Variants in BTNL8 observed in about 807,000 individuals in gnomAD.
BTNL8 encodes the protein butyrophilin-like protein 8.
Under a neutral mutation model 36.1 loss-of-function variants are expected in BTNL8, and 22 were observed. The observed-to-expected ratio is 0.61, with a 90% CI of 0.44 to 0.87. The LOEUF (loss-of-function observed/expected upper bound fraction) is 0.87. Ranked by LOEUF, BTNL8 falls within the 40% of genes least tolerant of loss-of-function variation. The probability of loss-of-function intolerance (pLI) is 0.00; values close to 1 mark genes in which losing one functional copy is unlikely to be tolerated. For synonymous variants in BTNL8, 203 were observed against 235.6 expected, an observed-to-expected ratio of 0.86 and a Z score of 1.27; for missense variants, 526 against 616.9, an observed-to-expected ratio of 0.85 and a Z score of 1.56.
intron 3 of BTNL8, among the ~76,000 whole-genome samples, chr5:180,916,684 C>T (rs927572472): frequency 5.3e-5 from 8 of 152,122 alleles, no homozygotes; most frequent in South Asian, 2.1e-4. Flanking sequence ...ATGAGACTAT[C>T]GTAGTTCTCC....
chr5:180,904,792 T>C (rs1402953040), intron 1 of BTNL8, among the ~76,000 whole-genome samples: 1 of 151,558 alleles, frequency 6.6e-6, no homozygotes, highest in Non-Finnish European at 1.5e-5. Flanking sequence ...ATCATGTGGT[T>C]TTTGTCTTTG....
At chr5:180,945,128 A>G (rs1759173976) in intron 3 of BTNL8, among the ~76,000 whole-genome samples, 3 of 152,234 alleles carry the variant, frequency 2.0e-5, no homozygotes, top group South Asian at 4.1e-4. Flanking sequence ...ACATCACTCA[A>G]TGGAACAGGA....
intron 3 of BTNL8, among the ~76,000 whole-genome samples, chr5:180,943,745 C>T (rs1759098781): frequency 6.6e-6 from 1 of 152,050 alleles, no homozygotes; most frequent in Admixed American, 6.6e-5. Flanking sequence ...ACTGAGTATA[C>T]CCAAAAGAAA....
intron 3 of BTNL8, among the ~76,000 whole-genome samples, chr5:180,917,608 T>TAA (rs142081557): frequency 1.1e-4 from 16 of 148,010 alleles, no homozygotes; most frequent in Admixed American, 5.3e-4. Context: ...TCAGAATAAT[T>TAA]TAAAAAAAAT....
At chr5:180,901,989 AAAT>A (rs1172862323) in intron 1 of BTNL8, among the ~76,000 whole-genome samples, 2 of 152,232 alleles carry the variant, frequency 1.3e-5, no homozygotes, top group Non-Finnish European at 2.9e-5. Context: ...AAGGAAGTAC[AAAT>A]AATTGTGTGC....
Position 180,950,435 on chromosome 5 carries a change from A to G in BTNL8, c.1394A>G (p.Glu465Gly). 1 of 1,463,950 alleles carries G rather than the reference A, an allele frequency of 6.8e-7. No individual in the cohort carries two copies. The highest frequency in any genetic ancestry group is 9.4e-7 in the Non-Finnish European group (1 of 1,059,180). The allele number at this position is 1,463,950 out of a possible 1,614,324, so 90.7% of individuals were successfully genotyped here. The change falls in exon 8 of 8, where the codon GAA becomes GGA. Residue 465 changes from glutamate (E) to glycine (G), a missense_variant. Physicochemically the swap from Glu to Gly is moderately conservative, Grantham distance 98. Transcript: ENST00000340184. ...TPIVICPVTQESEKEASWQRA... is the reference protein window; with the variant it reads ...TPIVICPVTQGSEKEASWQRA... ...ATAGTCATCTGCCCAGTCACCCAGG[A>G]ATCAGAGAAAGAGGCCTCTTGGCAA...
At chr5:180,924,497 C>A (rs989553502) in intron 3 of BTNL8, among the ~76,000 whole-genome samples, 6 of 152,188 alleles carry the variant, frequency 3.9e-5, no homozygotes, top group Non-Finnish European at 7.3e-5. Flanking sequence ...ACTGCAGAGC[C>A]CAATCAGCAG....
At chr5:180,917,204 T>C (rs1319495642) in intron 3 of BTNL8, among the ~76,000 whole-genome samples, 1 of 72,318 alleles carries the variant, frequency 1.4e-5, no homozygotes, top group East Asian at 3.8e-4. Flanking sequence ...CTGGATAACC[T>C]AGCAGAAACC....
At chr5:180,927,309 G>A (rs762803101) in intron 3 of BTNL8, among the ~76,000 whole-genome samples, 2 of 152,068 alleles carry the variant, frequency 1.3e-5, no homozygotes, top group Non-Finnish European at 2.9e-5. Flanking sequence ...TGTCCACACA[G>A]AAACCCCATT....
intron 3 of BTNL8, among the ~76,000 whole-genome samples, chr5:180,916,494 G>T (rs530913318): frequency 2.0e-5 from 3 of 151,914 alleles, no homozygotes; most frequent in African/African-American, 7.2e-5. Context: ...AGAAATAAAT[G>T]AAATAGAAAA....
At chr5:180,925,440 A>G (rs976126236) in intron 3 of BTNL8, among the ~76,000 whole-genome samples, 5 of 152,236 alleles carry the variant, frequency 3.3e-5, no homozygotes, top group Admixed American at 1.3e-4. Flanking sequence ...GAGAGCCCCA[A>G]TATGGTTTTC....
chr5:180,921,031 C>A (rs1397553911), intron 3 of BTNL8, among the ~76,000 whole-genome samples: 1 of 152,016 alleles, frequency 6.6e-6, no homozygotes, highest in Non-Finnish European at 1.5e-5. Context: ...ACAAATAGAA[C>A]TATGCTACAT....
intron 1 of BTNL8, among the ~76,000 whole-genome samples, chr5:180,907,317 G>T (rs1757125005): frequency 8.2e-6 from 1 of 121,652 alleles, no homozygotes; most frequent in South Asian, 2.2e-4. Flanking sequence ...GATCGCATCG[G>T]CTCCTGAGGC....
intron 1 of BTNL8, among the ~76,000 whole-genome samples, chr5:180,905,162 CT>C (rs1757021783): frequency 6.6e-6 from 1 of 150,484 alleles, no homozygotes; most frequent in African/African-American, 2.5e-5. Context: ...GTCCTGGACT[CT>C]TTTTGGTTGG....
intron 3 of BTNL8, among the ~76,000 whole-genome samples, chr5:180,931,492 C>G (rs1053434506): frequency 6.6e-6 from 1 of 151,946 alleles, no homozygotes; most frequent in Admixed American, 6.6e-5. Context: ...TTCTGCACAG[C>G]AAAAGAAACT....
At chr5:180,927,110 A>G (rs937579845) in intron 3 of BTNL8, among the ~76,000 whole-genome samples, 2 of 152,106 alleles carry the variant, frequency 1.3e-5, no homozygotes, top group Admixed American at 6.5e-5. Flanking sequence ...CCTGGGACGA[A>G]CCTTACAGAG....
intron 3 of BTNL8, among the ~76,000 whole-genome samples, chr5:180,928,743 CA>C (rs1758225084): frequency 6.6e-6 from 1 of 152,134 alleles, no homozygotes; most frequent in East Asian, 1.9e-4. Flanking sequence ...ATAAAGTGAT[CA>C]ATGCAACAAG....
At chr5:180,912,434 T>C (rs1277172639) in intron 3 of BTNL8, among the ~76,000 whole-genome samples, 1 of 48,380 alleles carries the variant, frequency 2.1e-5, no homozygotes, top group Admixed American at 1.9e-4. Flanking sequence ...GATGTATATA[T>C]ATATATATAT....
At chr5:180,949,529 T>A in intron 7 of BTNL8, 2 of 574,904 alleles carry the variant, frequency 3.5e-6, no homozygotes, top group Non-Finnish European at 5.9e-6. Context: ...TTGAGGGCAC[T>A]AGTGACTGGT....
Sources: allele counts gnomAD v4.1 joint callset (sites outside exome capture counted in the v4.1 genomes callset), GRCh38; gene constraint gnomAD v4.1.1; transcripts MANE v1.5; gene names NCBI Gene and HGNC (gene_info 2026-07-23, HGNC 2026-07-21).